The following PRMT9 variants were observed in gnomAD, a reference collection of about 807,000 sequenced individuals.
The protein encoded by PRMT9 is protein arginine methyltransferase 9.
PRMT9 carries 59 observed loss-of-function variants against 83.2 expected under a neutral mutation model. The observed-to-expected ratio is 0.71, with a 90% CI of 0.57 to 0.88. PRMT9 has a LOEUF of 0.88. PRMT9 is among the 40% of genes least tolerant of loss of function. PRMT9 has a pLI of 0.00. For synonymous variants in PRMT9, 333 were observed against 353.2 expected, an observed-to-expected ratio of 0.94 and a Z score of 0.64; for missense variants, 947 against 1,021.9, an observed-to-expected ratio of 0.93 and a Z score of 1.00.
intron 10 of PRMT9, among the ~76,000 whole-genome samples, chr4:147,642,035 G>A (rs1415035611): frequency 6.6e-6 from 1 of 151,924 alleles, no homozygotes. Context: ...GTTTTCCTAG[G>A]CTCCTGCATT....
rs368513577 is a variant in PRMT9, at chr4:147,676,302, G to A, written c.339-2428C>T. 1.4e-4 allele frequency among the ~76,000 whole-genome samples: 22 copies of A among 152,184 alleles called. No individual in the cohort carries two copies. The South Asian group carries it at 1.7e-3, about 11-fold the overall frequency. ...TAAGTCTTGGAATGTTATGATCACC[G>A]TATGTGTATAATCTGGAAATATAAT... On this transcript the variant is annotated intron_variant, in intron 2 of 11. Transcript: ENST00000322396.
intron 9 of PRMT9, among the ~76,000 whole-genome samples, chr4:147,649,153 A>G (rs1560971972): frequency 1.4e-5 from 2 of 147,280 alleles, no homozygotes; most frequent in Non-Finnish European, 3.0e-5. Context: ...CAGAGGGCAG[A>G]GAGAGAGAGA....
intron 9 of PRMT9, among the ~76,000 whole-genome samples, chr4:147,648,760 T>C (rs993116235): frequency 3.3e-5 from 5 of 152,194 alleles, no homozygotes; most frequent in Non-Finnish European, 5.9e-5. Flanking sequence ...TTGTCTGTTA[T>C]GTATGCTTGC....
chr4:147,648,301 T>C (rs1203968867), intron 9 of PRMT9, among the ~76,000 whole-genome samples: 1 of 152,142 alleles, frequency 6.6e-6, no homozygotes, highest in Non-Finnish European at 1.5e-5. Context: ...AAGGTTGAGT[T>C]GATCACTAAT....
intron 9 of PRMT9, among the ~76,000 whole-genome samples, chr4:147,647,225 T>TA (rs1733788117): frequency 6.6e-6 from 1 of 152,196 alleles, no homozygotes. Context: ...GGTCACAAGA[T>TA]GTATAACTGC....
At chr4:147,653,751 G>T (rs1578893094) in intron 9 of PRMT9, 101 bp downstream of exon 9, 1 of 812,446 alleles carries the variant, frequency 1.2e-6, no homozygotes, top group Non-Finnish European at 2.0e-6. Flanking sequence ...CAGTGATCTT[G>T]ACTTATTTTT....
intron 2 of PRMT9, among the ~76,000 whole-genome samples, chr4:147,678,330 T>G (rs945101659): frequency 6.7e-6 from 1 of 148,762 alleles, no homozygotes; most frequent in East Asian, 1.9e-4. Flanking sequence ...TGAGATTAAC[T>G]AAATTCCTAC....
At chr4:147,666,869 C>A (rs185586047) in intron 6 of PRMT9, among the ~76,000 whole-genome samples, 1 of 148,146 alleles carries the variant, frequency 6.8e-6, no homozygotes, top group East Asian at 2.0e-4. Context: ...TTCATCCAGA[C>A]CTACACCTAT....
At chr4:147,672,883 C>G in intron 4 of PRMT9, 76 bp downstream of exon 4, 1 of 1,275,102 alleles carries the variant, frequency 7.8e-7, no homozygotes, top group East Asian at 2.4e-5. Context: ...TTTGTTTGGA[C>G]TAAAAGCTAG....
chr4:147,681,140 C>T (rs1736445518), intron 1 of PRMT9, among the ~76,000 whole-genome samples: 1 of 152,212 alleles, frequency 6.6e-6, no homozygotes, highest in Non-Finnish European at 1.5e-5. Flanking sequence ...TAAGACACCA[C>T]TCAACCTCAA....
chr4:147,657,931 A>T lies in PRMT9; in HGVS notation c.1191T>A (p.Ile397=), dbSNP rs761185199. ...LATKKPDKIG[I]PVIKEGILDA... ...CTAGTATGCCTTCTTTAATAACAGG[A>T]ATACCAATCTTATCAGGCTTTTTAG... Residue 397 remains isoleucine (I), a synonymous_variant, in exon 8 of 12, where the codon ATT becomes ATA. Transcript: ENST00000322396. The T allele has an allele frequency of 3.1e-6, 5 of 1,605,326 alleles. No individual in the cohort carries two copies. Among genetic ancestry groups the T allele is most frequent in the Non-Finnish European group, 3.4e-6 (4 of 1,176,356 alleles).
chr4:147,681,810 T>C (rs907280924), intron 1 of PRMT9, among the ~76,000 whole-genome samples: 24 of 149,590 alleles, frequency 1.6e-4, no homozygotes, highest in African/African-American at 5.6e-4. Flanking sequence ...CCGCACAGAT[T>C]ATATGAAATG....
Position 147,638,556 on chromosome 4 carries a change from A to G in PRMT9, c.2514T>C (p.Asn838=), listed in dbSNP as rs762967473. 1 of 1,613,608 alleles carries G rather than the reference A, an allele frequency of 6.2e-7. No homozygotes were observed. The highest frequency in any genetic ancestry group is 8.5e-7 in the Non-Finnish European group (1 of 1,179,772). The change falls in exon 12 of 12, where the codon AAT becomes AAC. Residue 838 remains asparagine, a synonymous_variant. Transcript: ENST00000322396. ...TTCATTGCTTTACTGTGATGCTGACATTGCTTTTGTGATGCTGAATGCTGA... is the reference window on the plus strand; with the variant it reads ...TTCATTGCTTTACTGTGATGCTGACGTTGCTTTTGTGATGCTGAATGCTGA... ...LVLSIQHHKS[N]VSITVKQ
Position 147,657,865 on chromosome 4 carries a change from TTCA to T in PRMT9, c.1254_1256del (p.Asp418del). ...CACTAGGACTTGTGGATAAACTATGTTCATCATCAAGCTGGAGCACAAACCAAA... is the reference window on the plus strand; with the variant it reads ...CACTAGGACTTGTGGATAAACTATGTTCATCAAGCTGGAGCACAAACCAAA... On this transcript the variant is annotated inframe_deletion, in exon 8 of 12. Transcript: ENST00000322396. The T allele has an allele frequency of 1.2e-6, 2 of 1,611,358 alleles. No individual in the cohort carries two copies. Among genetic ancestry groups the T allele is most frequent in the South Asian group, 2.2e-5 (2 of 90,858 alleles).
Position 147,653,900 on chromosome 4 carries a change from G to A in PRMT9, c.1997C>T (p.Pro666Leu). 6.2e-6 allele frequency: 10 copies of A among 1,613,956 alleles called. No homozygotes were observed. Among genetic ancestry groups the A allele is most frequent in the Non-Finnish European group, 8.5e-6 (10 of 1,179,988 alleles). The stretch of plus-strand genomic sequence containing the variant: ...TATTTCCTGCTGAATGAGCCCAGAT[G>A]GCTCAATGACATCCAATATAATTAT... ...WSIIILDVIE[P>L]SGLIQQEIME... is the part of the protein sequence containing the mutation. Residue 666 changes from proline (P) to leucine (L), a missense_variant, in exon 9 of 12, where the codon CCA (proline) becomes CTA (leucine). Pro to Leu is a moderately conservative substitution (Grantham distance 98, BLOSUM62 -3). Coordinates refer to ENST00000322396, the MANE Select transcript of PRMT9 (RefSeq NM_138364.4).
At chr4:147,645,009 A>G (rs1342910687) in intron 9 of PRMT9, among the ~76,000 whole-genome samples, 1 of 152,246 alleles carries the variant, frequency 6.6e-6, no homozygotes, top group East Asian at 1.9e-4. Context: ...ATATTATCAT[A>G]TGTACATTTC....
intron 2 of PRMT9, among the ~76,000 whole-genome samples, chr4:147,675,818 A>G (rs1335115080): frequency 6.6e-6 from 1 of 152,194 alleles, no homozygotes; most frequent in African/African-American, 2.4e-5. Flanking sequence ...CAATTTAAAT[A>G]CATTTTGTTT....
rs1317648740 is a variant in PRMT9, at chr4:147,653,948, G to A, written c.1949C>T (p.Pro650Leu). Residue 650 changes from proline to leucine, a missense_variant, in exon 9 of 12, where the codon CCA becomes CTA. Physicochemically the swap from Pro to Leu is moderately conservative, Grantham distance 98 (BLOSUM62 -3). Transcript: ENST00000322396. ...VEDESAMLQR[P>L]KSDKLWSIII... ...TATGCTCCATAACTTGTCTGATTTT[G>A]GCCTTTGTAACATAGCAGATTCATC... 7 of 1,613,926 alleles carry A rather than the reference G, an allele frequency of 4.3e-6. No homozygotes were observed. Among genetic ancestry groups the A allele is most frequent in the African/African-American group, 2.7e-5 (2 of 74,878 alleles).
chr4:147,672,732 G>A (rs1735813010), intron 4 of PRMT9, among the ~76,000 whole-genome samples: 1 of 152,024 alleles, frequency 6.6e-6, no homozygotes, highest in Non-Finnish European at 1.5e-5. Context: ...CTAAGATCAA[G>A]TTTATTTGAT....
Sources: gnomAD v4.1 joint callset for allele counts (sites outside exome capture counted in the v4.1 genomes callset) on GRCh38, gnomAD v4.1.1 for gene constraint, MANE v1.5 for transcripts, NCBI Gene and HGNC (gene_info 2026-07-23, HGNC 2026-07-21) for gene names.